The following MAPKAP1 variants were observed in gnomAD, a reference collection of about 807,000 sequenced individuals.
The protein encoded by MAPKAP1 is MAPK associated protein 1, also known as target of rapamycin complex 2 subunit MAPKAP1.
In MAPKAP1, 20 loss-of-function variants were observed where a neutral mutation model predicts 65.7. That is an observed-to-expected ratio of 0.30 (90% confidence interval 0.21 to 0.44). The LOEUF (loss-of-function observed/expected upper bound fraction) is 0.44. Ranked by LOEUF, MAPKAP1 falls within the 20% of genes least tolerant of loss-of-function variation. The probability of loss-of-function intolerance (pLI) is 1.00; values close to 1 mark genes in which losing one functional copy is unlikely to be tolerated. For missense variants in MAPKAP1, 423 were observed against 648.0 expected (o/e 0.65, Z 3.77); for synonymous variants, 222 against 244.3 (o/e 0.91, Z 0.85).
intron 4 of MAPKAP1, among the ~76,000 whole-genome samples, chr9:125,609,932 T>C (rs1215893790): frequency 6.6e-6 from 1 of 152,184 alleles, no homozygotes; most frequent in East Asian, 1.9e-4. Context: ...CCACTTACCC[T>C]ATTTTACAGA....
chr9:125,567,050 G>A (rs772799058), intron 5 of MAPKAP1, among the ~76,000 whole-genome samples: 2 of 152,148 alleles, frequency 1.3e-5, no homozygotes, highest in Non-Finnish European at 2.9e-5. Context: ...CACGGTGTGT[G>A]AGTCATGAAG....
At chr9:125,444,122 T>A (rs1852607055) in intron 11 of MAPKAP1, among the ~76,000 whole-genome samples, 1 of 152,198 alleles carries the variant, frequency 6.6e-6, no homozygotes, top group African/African-American at 2.4e-5. Flanking sequence ...ATAATTATCT[T>A]CAAAACAATA....
Position 125,698,329 on chromosome 9 carries a change from AT to A in MAPKAP1, c.-70+8641del, listed in dbSNP as rs1564622628. Among the ~76,000 whole-genome samples the A allele has an allele frequency of 3.7e-3, 379 of 101,304 alleles. 5 individuals carry two copies. The highest frequency in any genetic ancestry group is 6.0e-3 in the Non-Finnish European group (306 of 51,050). 66.5% of individuals were successfully genotyped at this position (101,304 alleles called of 152,430 possible). On this transcript the variant is annotated intron_variant, in intron 1 of 11. Transcript: ENST00000265960. ...TATATATATATATATATATATATAT[AT>A]ATATATAAAATATATATATTTTTTG... is the stretch of plus-strand genomic sequence containing the variant.
chr9:125,577,119 T>A (rs1454833741), intron 5 of MAPKAP1, among the ~76,000 whole-genome samples: 3 of 148,794 alleles, frequency 2.0e-5, no homozygotes, highest in Non-Finnish European at 3.0e-5. Context: ...GTGAGGAGCG[T>A]CTCTGCCCGG....
At chr9:125,678,489 G>A (rs1459639119) in intron 1 of MAPKAP1, among the ~76,000 whole-genome samples, 7 of 152,104 alleles carry the variant, frequency 4.6e-5, no homozygotes, top group South Asian at 4.1e-4. Flanking sequence ...TGATCCGCCC[G>A]CCTTGGCATT....
chr9:125,530,470 AACTT>A (rs1016959175), intron 7 of MAPKAP1, among the ~76,000 whole-genome samples: 3 of 152,264 alleles, frequency 2.0e-5, no homozygotes, highest in African/African-American at 7.2e-5. Flanking sequence ...AGACTTTTAA[AACTT>A]ACTTATAAAT....
intron 4 of MAPKAP1, among the ~76,000 whole-genome samples, chr9:125,593,630 T>G (rs1832037377): frequency 6.6e-6 from 1 of 151,958 alleles, no homozygotes; most frequent in South Asian, 2.1e-4. Flanking sequence ...CCACTGCACT[T>G]CTGCCTGGGA....
At chr9:125,600,458 A>G (rs476819) in intron 4 of MAPKAP1, among the ~76,000 whole-genome samples, 78,563 of 152,016 alleles carry the variant, frequency 0.52, 21,081 homozygotes, top group East Asian at 0.67. Flanking sequence ...TAAAATAGAG[A>G]TAAGACCATC....
chr9:125,521,070 A>G (rs567461098), intron 7 of MAPKAP1, among the ~76,000 whole-genome samples: 1 of 152,330 alleles, frequency 6.6e-6, no homozygotes, highest in South Asian at 2.1e-4. Context: ...TCAGAACAAG[A>G]AGAGGTAACA....
intron 4 of MAPKAP1, among the ~76,000 whole-genome samples, chr9:125,614,661 T>C (rs1398350254): frequency 6.6e-6 from 1 of 152,130 alleles, no homozygotes; most frequent in Non-Finnish European, 1.5e-5. Flanking sequence ...ATTAAGAGAT[T>C]AAGGAGAAAA....
At chr9:125,588,033 A>G (rs1190161139) in intron 4 of MAPKAP1, among the ~76,000 whole-genome samples, 2 of 152,220 alleles carry the variant, frequency 1.3e-5, no homozygotes, top group East Asian at 3.8e-4. Flanking sequence ...GAAACACAGA[A>G]TTACCATATG....
intron 5 of MAPKAP1, among the ~76,000 whole-genome samples, chr9:125,561,563 A>G (rs189030022): frequency 6.6e-6 from 1 of 152,324 alleles, no homozygotes; most frequent in African/African-American, 2.4e-5. Flanking sequence ...TAAAAACAGA[A>G]CAATTAGAGA....
chr9:125,620,137 C>T (rs544254615), intron 4 of MAPKAP1, among the ~76,000 whole-genome samples: 10 of 152,278 alleles, frequency 6.6e-5, no homozygotes, highest in African/African-American at 2.2e-4. Context: ...GGTGAAACCT[C>T]GCCTCTACTA....
intron 7 of MAPKAP1, among the ~76,000 whole-genome samples, chr9:125,529,443 C>G (rs1307740139): frequency 6.7e-6 from 1 of 149,026 alleles, no homozygotes; most frequent in Non-Finnish European, 1.5e-5. Flanking sequence ...CTCAGGGATT[C>G]TTAGACTTCA....
chr9:125,543,000 T>C (rs776615852), intron 7 of MAPKAP1, 59 bp downstream of exon 7: 3 of 1,105,434 alleles, frequency 2.7e-6, no homozygotes, highest in Non-Finnish European at 4.2e-6. Flanking sequence ...ACACCCCCTA[T>C]GCCCTTTTAA....
At chr9:125,500,181 G>C (rs541119163) in intron 8 of MAPKAP1, among the ~76,000 whole-genome samples, 1 of 152,020 alleles carries the variant, frequency 6.6e-6, no homozygotes, top group South Asian at 2.1e-4. Flanking sequence ...TTTATTTTTT[G>C]AGATGGAGTC....
intron 7 of MAPKAP1, among the ~76,000 whole-genome samples, chr9:125,518,060 A>G (rs1411728093): frequency 1.3e-5 from 2 of 152,208 alleles, no homozygotes; most frequent in African/African-American, 4.8e-5. Context: ...TGCCTTCCAC[A>G]AGGTGGCCTT....
At chr9:125,505,235 T>C (rs1377784931) in intron 8 of MAPKAP1, among the ~76,000 whole-genome samples, 2 of 151,988 alleles carry the variant, frequency 1.3e-5, no homozygotes, top group Admixed American at 6.6e-5. Flanking sequence ...ATAGAGACCA[T>C]AGAAACGGTG....
chr9:125,514,949 C>T (rs1003652269), intron 7 of MAPKAP1, among the ~76,000 whole-genome samples: 1 of 152,148 alleles, frequency 6.6e-6, no homozygotes, highest in African/African-American at 2.4e-5. Context: ...CATTTAGTGT[C>T]AGCTCCATCG....
Sources: gnomAD v4.1 joint callset for allele counts (sites outside exome capture counted in the v4.1 genomes callset) on GRCh38, gnomAD v4.1.1 for gene constraint, MANE v1.5 for transcripts, NCBI Gene and HGNC (gene_info 2026-07-23, HGNC 2026-07-21) for gene names.